APC: variants seen among roughly 807,000 people sequenced by gnomAD.
APC encodes the protein adenomatous polyposis coli protein.
A neutral mutation model predicts 247.0 loss-of-function variants in APC; 72 were observed. The ratio of observed to expected loss-of-function variants is 0.29; its 90% CI spans 0.24 to 0.35. The LOEUF is 0.35. APC is among the 10% of genes least tolerant of loss of function. The pLI is 1.00. For synonymous variants in APC, 1,254 were observed against 1,162.5 expected, an observed-to-expected ratio of 1.08 and a Z score of -1.60; for missense variants, 3,400 against 3,360.7, an observed-to-expected ratio of 1.01 and a Z score of -0.29.
At position 112,841,670 on chromosome 5, in the gene APC, T is replaced by C. The variant is rs2149956380; in HGVS notation, c.6076T>C (p.Ser2026Pro). 5 of 1,613,762 alleles carry C rather than the reference T, an allele frequency of 3.1e-6. No homozygotes were observed. Among genetic ancestry groups the C allele is most frequent in the Non-Finnish European group, 4.2e-6 (5 of 1,179,644 alleles). Residue 2026 changes from serine (S) to proline (P), a missense_variant, in exon 16 of 16, where the codon TCT becomes CCT. By Grantham distance (74) the Ser-to-Pro change is moderately conservative. This residue lies in a region of APC where 1,788 missense variants were observed against 1,649.5 expected (regional missense o/e 1.08). Transcript: ENST00000257430. The surrounding 1 kb of genome is among the most constrained non-coding windows in gnomAD (Gnocchi z 4.6). ...CCCAGTTTGTTTCTCAAGAAACAGTTCTCTCAGTTCTCTTAGTATTGACTC... is the reference window on the plus strand; with the variant it reads ...CCCAGTTTGTTTCTCAAGAAACAGTCCTCTCAGTTCTCTTAGTATTGACTC... Reference protein sequence around the residue: ...DTPVCFSRNSSLSSLSIDSED... With the variant: ...DTPVCFSRNSPLSSLSIDSED...
chr5:112,813,239 A>G (rs1762158787), intron 8 of APC, among the ~76,000 whole-genome samples: 1 of 152,224 alleles, frequency 6.6e-6, no homozygotes, highest in South Asian at 2.1e-4. Context: ...ATGAGTTTTG[A>G]CAAATGTAGT....
chr5:112,735,642 A>G (rs1268328423), upstream of APC, among the ~76,000 whole-genome samples: 3 of 152,192 alleles, frequency 2.0e-5, no homozygotes, highest in East Asian at 1.9e-4. Flanking sequence ...AATTTGGCCC[A>G]GTATACTTTG....
rs904001781 is a variant in APC at position 112,707,552 on chromosome 5, C to G, written c.-166C>G. 1 of 575,060 alleles carries G rather than the reference C, an allele frequency of 1.7e-6. No individual in the cohort carries two copies. Among genetic ancestry groups the G allele is most frequent in the African/African-American group, 1.9e-5 (1 of 53,558 alleles). 35.6% of individuals were successfully genotyped at this position (575,060 alleles called of 1,614,324 possible). The stretch of plus-strand genomic sequence containing the variant: ...TGGCGGAGGGCAAGTAGCAAGGGGG[C>G]GGGGTGTGGCCGCCGGAAGCCTAGC... On this transcript the variant is annotated 5_prime_UTR_variant, in exon 1 of 14. Transcript: ENST00000507379.
At chr5:112,775,529 A>T (rs2149613211) in intron 4 of APC, 100 bp from the exon 5 acceptor site, 1 of 687,552 alleles carries the variant, frequency 1.5e-6, no homozygotes, top group South Asian at 1.9e-5. Flanking sequence ...TTAGCACTTT[A>T]GGTAGAGAAG....
In APC at chr5:112,724,131, G is replaced by A. The variant is rs376613947; in HGVS notation, c.165+16249G>A. On this transcript the variant is annotated intron_variant, in intron 1 of 13. Coordinates refer to the APC transcript ENST00000507379. The stretch of plus-strand genomic sequence containing the variant: ...AAAGATGAAAAAATAAATCAGAAGT[G>A]AGCAGGCTATCCTATGCTTGTTATT... Among the ~76,000 whole-genome samples, 184 of 152,250 alleles carry A rather than the reference G, an allele frequency of 1.2e-3. No homozygotes were observed. The highest frequency in any genetic ancestry group is 1.9e-3 in the Non-Finnish European group (130 of 68,008).
Position 112,794,898 on chromosome 5 carries a change from A to G in APC, c.729+2369A>G, listed in dbSNP as rs141739214. ...TTTATTATAAGGATACAGATCAAGA[A>G]TGGCCAAATGAAGAGACATATGGGG... On this transcript the variant is annotated intron_variant, in intron 7 of 15. Coordinates refer to ENST00000257430, the MANE Select transcript of APC (RefSeq NM_000038.6). Among the ~76,000 whole-genome samples, 10 of 152,328 alleles carry G rather than the reference A, an allele frequency of 6.6e-5. No homozygotes were observed. In the East Asian group the frequency reaches 1.7e-3, roughly 26 times the overall value.
rs141576417 is a variant in APC, at chr5:112,780,865, C to G, written c.607C>G (p.Gln203Glu). The G allele has an allele frequency of 3.3e-4, 534 of 1,612,790 alleles. No individual in the cohort carries two copies. The highest frequency in any genetic ancestry group is 9.9e-5 in the Non-Finnish European group (117 of 1,179,186). Residue 203 changes from glutamine (Q) to glutamate (E), a missense_variant, in exon 6 of 16, where the codon CAA becomes GAA. Around this residue, in one of 9 missense-constraint regions of APC, gnomAD observed 372 missense variants for 367.6 expected, o/e 1.01. Coordinates refer to ENST00000257430, the MANE Select transcript of APC (RefSeq NM_000038.6). ...ARQIRVAMEE[Q>E]LGTCQDMEKR... is the part of the protein sequence containing the mutation. ...GCAAATCAGAGTTGCGATGGAAGAACAACTAGGTACCTGCCAGGATATGGA... is the reference window on the plus strand; with the variant it reads ...GCAAATCAGAGTTGCGATGGAAGAAGAACTAGGTACCTGCCAGGATATGGA...
intron 1 of APC, among the ~76,000 whole-genome samples, chr5:112,743,878 G>GT (rs1317690565): frequency 6.6e-6 from 1 of 152,058 alleles, no homozygotes; most frequent in African/African-American, 2.4e-5. Context: ...ATTTTTTGGT[G>GT]TTTTTTTGTT....
intron 1 of APC, among the ~76,000 whole-genome samples, chr5:112,727,620 C>T (rs1751861433): frequency 6.6e-6 from 1 of 152,038 alleles, no homozygotes; most frequent in African/African-American, 2.4e-5. Flanking sequence ...GTAATCTGGG[C>T]ATTTTAGGAC....
chr5:112,831,577 T>G (rs1053665479), intron 14 of APC, among the ~76,000 whole-genome samples: 2 of 152,148 alleles, frequency 1.3e-5, no homozygotes, highest in African/African-American at 4.8e-5. Flanking sequence ...CCTCTCAACT[T>G]CAGCTACTAA....
intron 2 of APC, among the ~76,000 whole-genome samples, chr5:112,762,799 T>C (rs1755814534): frequency 6.6e-6 from 1 of 152,224 alleles, no homozygotes; most frequent in Non-Finnish European, 1.5e-5. Flanking sequence ...AGGATTAGTG[T>C]ATTTTACATA....
In APC at chr5:112,707,790, T is replaced by G. The variant is rs2149630868; in HGVS notation, c.73T>G (p.Trp25Gly). The change falls in exon 1 of 14, where the codon TGG becomes GGG. Residue 25 changes from tryptophan (W) to glycine (G), a missense_variant. Physicochemically the swap from Trp to Gly is radical, Grantham distance 184 (BLOSUM62 -2). Coordinates refer to the APC transcript ENST00000507379. The stretch of plus-strand genomic sequence containing the variant: ...TGTACCACCCTCAGTTCTCGGGTCC[T>G]GGAGCACCGGCGGCAGCAGGAGCTG... 1 of 1,370,634 alleles carries G rather than the reference T, an allele frequency of 7.3e-7. No homozygotes were observed. The highest frequency in any genetic ancestry group is 9.6e-7 in the Non-Finnish European group (1 of 1,038,774). The allele number at this position is 1,370,634 out of a possible 1,614,324, so 84.9% of individuals were successfully genotyped here. A position where few individuals can be genotyped will look rare whatever the true frequency, so the allele number is the denominator to read the frequency against.
chr5:112,736,943 A>T (rs1434249888), upstream of APC, among the ~76,000 whole-genome samples: 2 of 152,168 alleles, frequency 1.3e-5, no homozygotes, highest in South Asian at 4.1e-4. Context: ...GAAGTATAGT[A>T]TCCTTTTAAA....
intron 1 of APC, among the ~76,000 whole-genome samples, chr5:112,713,238 G>A (rs888814634): frequency 6.6e-6 from 1 of 150,982 alleles, no homozygotes; most frequent in African/African-American, 2.4e-5. Context: ...GGTTAGTTTA[G>A]CTGTGCTATG....
At chr5:112,713,913 A>G (rs1751010493) in intron 1 of APC, among the ~76,000 whole-genome samples, 1 of 152,182 alleles carries the variant, frequency 6.6e-6, no homozygotes. Context: ...CCACCTTGGC[A>G]TCCCAAAGTG....
At chr5:112,823,680 T>G (rs1446044767) in intron 11 of APC, among the ~76,000 whole-genome samples, 3 of 152,228 alleles carry the variant, frequency 2.0e-5, no homozygotes, top group Non-Finnish European at 4.4e-5. Flanking sequence ...GAATATAATT[T>G]CCATGATATA....
chr5:112,833,416 C>T (rs760770686), intron 14 of APC, among the ~76,000 whole-genome samples: 26 of 152,018 alleles, frequency 1.7e-4, no homozygotes, highest in South Asian at 4.2e-4. Context: ...CTCCTGACCT[C>T]GTGATCCGTG....
Position 112,775,720 on chromosome 5 carries a change from C to T in APC, c.514C>T (p.Leu172Phe), listed in dbSNP as rs1242594500. The T allele has an allele frequency of 6.4e-7, 1 of 1,567,626 alleles. No individual in the cohort carries two copies. The highest frequency in any genetic ancestry group is 8.7e-7 in the Non-Finnish European group (1 of 1,151,212). Reference sequence around the variant, plus strand: ...GAATCTCACTAAAAGAATAGATAGTCTTCCTTTAACTGAAAATGTAAGTAA... The same window carrying T: ...GAATCTCACTAAAAGAATAGATAGTTTTCCTTTAACTGAAAATGTAAGTAA... Reference protein sequence around the residue: ...LQNLTKRIDSLPLTENFSLQT... With the variant: ...LQNLTKRIDSFPLTENFSLQT... Residue 172 changes from leucine (L) to phenylalanine (F), a missense_variant, in exon 5 of 16, where the codon CTT becomes TTT. Physicochemically the swap from Leu to Phe is conservative, Grantham distance 22. Transcript: ENST00000257430.
chr5:112,799,206 G>GAAAA (rs1561511800), intron 7 of APC, among the ~76,000 whole-genome samples: 5 of 140,196 alleles, frequency 3.6e-5, no homozygotes, highest in African/African-American at 1.1e-4. Flanking sequence ...AAAAAAAAAG[G>GAAAA]CACTTTAATA....
Sources: allele counts gnomAD v4.1 joint callset (sites outside exome capture counted in the v4.1 genomes callset), GRCh38; gene constraint gnomAD v4.1.1; regional missense constraint gnomAD v4.1.1; non-coding constraint Gnocchi (gnomAD v3.1); transcripts MANE v1.5; gene names NCBI Gene and HGNC (gene_info 2026-07-23, HGNC 2026-07-21).